The following ALK variants were observed in gnomAD, a reference collection of about 807,000 sequenced individuals.
The protein encoded by ALK is ALK receptor tyrosine kinase.
Under a neutral mutation model 163.1 loss-of-function variants are expected in ALK, and 74 were observed. That is an observed-to-expected ratio of 0.45 (90% CI 0.38 to 0.55). The LOEUF (loss-of-function observed/expected upper bound fraction) is 0.55. Ranked by LOEUF, ALK falls within the 20% of genes least tolerant of loss-of-function variation. The pLI, the probability that ALK is intolerant of heterozygous loss-of-function variation, is 0.00. For missense variants in ALK, 2,063 were observed against 2,105.3 expected (o/e 0.98, Z 0.39); for synonymous variants, 960 against 843.2 (o/e 1.14, Z -2.40).
intron 3 of ALK, among the ~76,000 whole-genome samples, chr2:29,669,558 T>A (rs1677619654): frequency 6.6e-6 from 1 of 152,068 alleles, no homozygotes; most frequent in Non-Finnish European, 1.5e-5. Context: ...ATTCAGCCAC[T>A]CTATGCCTTT....
intron 4 of ALK, among the ~76,000 whole-genome samples, chr2:29,517,915 C>T (rs1672714339): frequency 6.6e-6 from 1 of 152,198 alleles, no homozygotes; most frequent in Non-Finnish European, 1.5e-5. Flanking sequence ...TTCATCTCCT[C>T]CTTCACCTGT....
chr2:29,289,294 C>T (rs781781743), intron 9 of ALK, among the ~76,000 whole-genome samples: 1 of 152,182 alleles, frequency 6.6e-6, no homozygotes. Context: ...AAGCCAGGGA[C>T]TCTGCTCCCA....
intron 3 of ALK, among the ~76,000 whole-genome samples, chr2:29,556,647 G>C (rs1258924720): frequency 6.6e-6 from 1 of 152,176 alleles, no homozygotes; most frequent in Non-Finnish European, 1.5e-5. Flanking sequence ...AGAAGCCTTA[G>C]GGTTTTGCTA....
chr2:29,630,251 A>G (rs1676324138), intron 3 of ALK, among the ~76,000 whole-genome samples: 1 of 152,182 alleles, frequency 6.6e-6, no homozygotes, highest in Non-Finnish European at 1.5e-5. Context: ...TGCCAAGCCC[A>G]TCGTGGAGAA....
At chr2:29,515,348 A>G (rs148341609) in intron 4 of ALK, among the ~76,000 whole-genome samples, 179 of 152,306 alleles carry the variant, frequency 1.2e-3, no homozygotes, top group African/African-American at 4.0e-3. Context: ...ACTCTCTAGC[A>G]TGTGAGCTTC....
intron 3 of ALK, among the ~76,000 whole-genome samples, chr2:29,561,725 T>C (rs1246920323): frequency 2.0e-5 from 3 of 152,188 alleles, no homozygotes; most frequent in Non-Finnish European, 4.4e-5. Flanking sequence ...TTTAAAAATA[T>C]CATACGATAT....
chr2:29,618,492 T>C (rs1428565542), intron 3 of ALK, among the ~76,000 whole-genome samples: 1 of 151,910 alleles, frequency 6.6e-6, no homozygotes, highest in Middle Eastern at 3.2e-3. Flanking sequence ...TGTCACTCTG[T>C]CCCTGAACCT....
intron 5 of ALK, among the ~76,000 whole-genome samples, chr2:29,341,194 G>A (rs1667781293): frequency 6.6e-6 from 1 of 152,208 alleles, no homozygotes. Flanking sequence ...GGCTATGTGT[G>A]TACAAAGCTG....
intron 2 of ALK, among the ~76,000 whole-genome samples, chr2:29,713,881 T>G (rs1679175448): frequency 6.6e-6 from 1 of 152,046 alleles, no homozygotes; most frequent in African/African-American, 2.4e-5. Flanking sequence ...TTTCTCCTGC[T>G]CATATGGGCA....
rs898807761 is a variant in ALK, at chr2:29,477,451, G to A, written c.1154+54464C>T. Among the ~76,000 whole-genome samples the A allele has an allele frequency of 3.0e-4, 45 of 152,204 alleles. 1 individual carries two copies. Among genetic ancestry groups the A allele is most frequent in the Admixed American group, 2.9e-3 (45 of 15,284 alleles). On this transcript the variant is annotated intron_variant, in intron 4 of 28. Coordinates refer to ENST00000389048, the MANE Select transcript of ALK (RefSeq NM_004304.5). ...TTAGTGGAGTTCTTGGCACACATATGTATTCAAGTGATGTTGATTTTCTTT... is the reference window on the plus strand; with the variant it reads ...TTAGTGGAGTTCTTGGCACACATATATATTCAAGTGATGTTGATTTTCTTT...
chr2:29,678,775 T>A (rs1292260486), intron 3 of ALK, among the ~76,000 whole-genome samples: 1 of 151,830 alleles, frequency 6.6e-6, no homozygotes, highest in Admixed American at 6.6e-5. Flanking sequence ...TAATTTTATA[T>A]AAATTAATGA....
rs1000737036 is a variant in ALK at position 29,733,180 on chromosome 2, G to A, written c.668-15483C>T. ...TGAAAGCGGGGCACTAGGAACAAGAGTAACCTAGCCATTCTCCCTGGAAGT... is the reference window on the plus strand; with the variant it reads ...TGAAAGCGGGGCACTAGGAACAAGAATAACCTAGCCATTCTCCCTGGAAGT... On this transcript the variant is annotated intron_variant, in intron 1 of 28. Coordinates refer to ENST00000389048, the MANE Select transcript of ALK (RefSeq NM_004304.5). 6.6e-5 allele frequency among the ~76,000 whole-genome samples: 10 copies of A among 152,294 alleles called. No homozygotes were observed. The East Asian group carries it at 1.9e-3, about 29-fold the overall frequency.
intron 1 of ALK, among the ~76,000 whole-genome samples, chr2:29,767,480 C>T (rs1680895726): frequency 1.3e-5 from 2 of 152,214 alleles, no homozygotes; most frequent in Admixed American, 1.3e-4. Flanking sequence ...GATGGCTGGT[C>T]ATCCTATGAA....
At chr2:29,820,524 T>C (rs150151385) in intron 1 of ALK, among the ~76,000 whole-genome samples, 3 of 152,338 alleles carry the variant, frequency 2.0e-5, no homozygotes, top group East Asian at 3.9e-4. Flanking sequence ...AGATAACCAA[T>C]ACATTGGTCT....
chr2:29,740,481 T>C (rs1179629423), intron 1 of ALK, among the ~76,000 whole-genome samples: 1 of 151,094 alleles, frequency 6.6e-6, no homozygotes, highest in Non-Finnish European at 1.5e-5. Context: ...TTTGTCCTTT[T>C]GTTCTCTTAT....
rs2148159206 is a variant in ALK, at chr2:29,213,974, T to G, written c.3743+10A>C. ...AGGATGACAGGAAGAGCACAGTCAC[T>G]TTGACTCACCGGTGGATGAAGTGGT... On this transcript the variant is annotated intron_variant, in intron 24 of 28. Coordinates refer to ENST00000389048, the MANE Select transcript of ALK (RefSeq NM_004304.5). The G allele has an allele frequency of 6.2e-7, 1 of 1,611,422 alleles. No homozygotes were observed. Among genetic ancestry groups the G allele is most frequent in the Non-Finnish European group, 8.5e-7 (1 of 1,177,666 alleles).
intron 4 of ALK, among the ~76,000 whole-genome samples, chr2:29,501,727 A>G (rs530212814): frequency 1.3e-5 from 2 of 152,294 alleles, no homozygotes; most frequent in East Asian, 3.9e-4. Flanking sequence ...CAACCATTTA[A>G]AGTATACAGT....
At chr2:29,329,966 A>G (rs987617989) in intron 5 of ALK, among the ~76,000 whole-genome samples, 1 of 152,130 alleles carries the variant, frequency 6.6e-6, no homozygotes, top group Non-Finnish European at 1.5e-5. Flanking sequence ...CTGACTGTAA[A>G]GGTGCCCTCT....
rs1403424181 is a variant in ALK at position 29,920,166 on chromosome 2, A to T, written c.494T>A (p.Leu165Gln). 1 of 1,613,510 alleles carries T rather than the reference A, an allele frequency of 6.2e-7. No individual in the cohort carries two copies. The change falls in exon 1 of 29, where the codon CTG becomes CAG. Residue 165 changes from leucine (L) to glutamine (Q), a missense_variant. By Grantham distance (113) the Leu-to-Gln change is moderately radical (BLOSUM62 -2). This residue lies in a region of ALK where 987 missense variants were observed against 939.5 expected (regional missense o/e 1.05). Transcript: ENST00000389048. ...CAGCTCGCTGAGATTGAACTGGAGC[A>T]GCCCCACAGCCGCCTCCCCGGGGGG... is the stretch of plus-strand genomic sequence containing the variant. ...VGPPGEAAVG[L>Q]LQFNLSELFS...
Sources: gnomAD v4.1 joint callset for allele counts (sites outside exome capture counted in the v4.1 genomes callset) on GRCh38, gnomAD v4.1.1 for gene constraint, gnomAD v4.1.1 regional missense constraint, MANE v1.5 for transcripts, NCBI Gene and HGNC (gene_info 2026-07-23, HGNC 2026-07-21) for gene names.